PTPN14: variants seen among roughly 807,000 people sequenced by gnomAD.
PTPN14 encodes the protein tyrosine-protein phosphatase non-receptor type 14.
PTPN14 carries 53 observed loss-of-function variants against 126.8 expected under a neutral mutation model. The ratio of observed to expected loss-of-function variants is 0.42; its 90% CI spans 0.34 to 0.53. The LOEUF (loss-of-function observed/expected upper bound fraction) is 0.53, where lower values mean the gene tolerates loss of function less well. Among genes scored for constraint, PTPN14 ranks in the 20% least tolerant of loss-of-function variants. PTPN14 has a pLI of 0.08. For synonymous variants in PTPN14, 630 were observed against 599.3 expected, an observed-to-expected ratio of 1.05 and a Z score of -0.75; for missense variants, 1,257 against 1,552.9, an observed-to-expected ratio of 0.81 and a Z score of 3.20.
chr1:214,437,240 C>G (rs1387511928), intron 3 of PTPN14, among the ~76,000 whole-genome samples: 1 of 116,602 alleles, frequency 8.6e-6, no homozygotes, highest in Non-Finnish European at 1.7e-5. Flanking sequence ...ATAAATCAGA[C>G]AGTGGCAAAA....
intron 1 of PTPN14, among the ~76,000 whole-genome samples, chr1:214,512,657 T>C (rs1041318216): frequency 3.9e-5 from 6 of 152,220 alleles, no homozygotes; most frequent in Non-Finnish European, 7.3e-5. Flanking sequence ...AAAAATTTTA[T>C]GTGTTTTTCA....
At chr1:214,522,925 G>A (rs1312126379) in intron 1 of PTPN14, among the ~76,000 whole-genome samples, 3 of 152,156 alleles carry the variant, frequency 2.0e-5, no homozygotes, top group Non-Finnish European at 4.4e-5. Flanking sequence ...GAGAAAGAAG[G>A]CAGTCACTCG....
intron 1 of PTPN14, chr1:214,528,594 T>C (rs1655458845): frequency 6.6e-6 from 1 of 151,712 alleles, no homozygotes; most frequent in South Asian, 2.1e-4. Context: ...TATACTTGAG[T>C]GGTAGGGTAA....
intron 1 of PTPN14, among the ~76,000 whole-genome samples, chr1:214,472,621 A>G (rs1660783830): frequency 6.6e-6 from 1 of 152,198 alleles, no homozygotes; most frequent in Non-Finnish European, 1.5e-5. Context: ...TGACTCTTCA[A>G]ATCATTTAAG....
intron 1 of PTPN14, among the ~76,000 whole-genome samples, chr1:214,493,865 C>T (rs1251738445): frequency 1.3e-5 from 2 of 152,114 alleles, no homozygotes; most frequent in Non-Finnish European, 2.9e-5. Flanking sequence ...AAAGTAAGAA[C>T]AACTTCTGCA....
At position 214,546,252 on chromosome 1, in the gene PTPN14, A is replaced by T. The variant is rs573132498; in HGVS notation, c.-155+4931T>A. On this transcript the variant is annotated intron_variant, in intron 1 of 18. Transcript: ENST00000366956. ...GCTGAATCCAGAAACCGAGGTAGGCATGGGGAACGGCAACCTTTGTTTAAG... is the reference window on the plus strand; with the variant it reads ...GCTGAATCCAGAAACCGAGGTAGGCTTGGGGAACGGCAACCTTTGTTTAAG... Among the ~76,000 whole-genome samples the T allele has an allele frequency of 2.7e-4, 41 of 152,322 alleles. No homozygotes were observed. The South Asian group carries it at 7.9e-3, about 29-fold the overall frequency.
chr1:214,526,516 C>A (rs1204944582), intron 1 of PTPN14, among the ~76,000 whole-genome samples: 1 of 147,810 alleles, frequency 6.8e-6, no homozygotes, highest in Non-Finnish European at 1.5e-5. Flanking sequence ...GACTCAAGGT[C>A]CCCAGATGGT....
At chr1:214,539,987 T>A (rs1045566119) in intron 1 of PTPN14, among the ~76,000 whole-genome samples, 8 of 152,174 alleles carry the variant, frequency 5.3e-5, no homozygotes, top group Admixed American at 5.2e-4. Flanking sequence ...TTAAGACTGG[T>A]AGATGTCATT....
chr1:214,536,194 G>A (rs1386436014), intron 1 of PTPN14, among the ~76,000 whole-genome samples: 1 of 151,658 alleles, frequency 6.6e-6, no homozygotes, highest in East Asian at 2.0e-4. Flanking sequence ...GATAACTTGG[G>A]GCCAGGAGTT....
At chr1:214,514,337 G>A (rs371874009) in intron 1 of PTPN14, among the ~76,000 whole-genome samples, 9 of 152,108 alleles carry the variant, frequency 5.9e-5, no homozygotes, top group East Asian at 5.8e-4. Context: ...AAGACATGCC[G>A]CATGTATGGG....
At chr1:214,535,081 G>A (rs1012089415) in intron 1 of PTPN14, among the ~76,000 whole-genome samples, 10 of 152,002 alleles carry the variant, frequency 6.6e-5, no homozygotes, top group Non-Finnish European at 1.0e-4. Flanking sequence ...AAAATAGGTA[G>A]ACACAAAAGA....
chr1:214,497,403 T>G (rs73077935), intron 1 of PTPN14, among the ~76,000 whole-genome samples: 13,638 of 152,232 alleles, frequency 0.09, 2,068 homozygotes, highest in African/African-American at 0.31. Flanking sequence ...CTGATGAGGA[T>G]AGTGAGGCTA....
Position 214,357,906 on chromosome 1 carries a change from A to C in PTPN14, c.*16T>G, listed in dbSNP as rs1456708200. 1 of 1,609,528 alleles carries C rather than the reference A, an allele frequency of 6.2e-7. No homozygotes were observed. The highest frequency in any genetic ancestry group is 2.2e-5 in the East Asian group (1 of 44,828). On this transcript the variant is annotated 3_prime_UTR_variant, in exon 19 of 19. Coordinates refer to ENST00000366956, the MANE Select transcript of PTPN14 (RefSeq NM_005401.5). ...GATGGAGCTGGGTCCCTCCTCCAGG[A>C]GCTGGATTGGGGTGATTAAATGAGT...
At chr1:214,397,735 C>G (rs573557344) in intron 8 of PTPN14, among the ~76,000 whole-genome samples, 178 bp downstream of exon 8, 1 of 152,120 alleles carries the variant, frequency 6.6e-6, no homozygotes, top group African/African-American at 2.4e-5. Flanking sequence ...TGGGTTTCTA[C>G]GAAAAGTGAG....
At chr1:214,380,561 G>A (rs1658448832) in intron 13 of PTPN14, among the ~76,000 whole-genome samples, 2 of 152,188 alleles carry the variant, frequency 1.3e-5, no homozygotes, top group South Asian at 4.1e-4. Context: ...AAAAGCGGCG[G>A]AACCATCCAT....
At chr1:214,490,753 C>CT (rs1297771561) in intron 1 of PTPN14, among the ~76,000 whole-genome samples, 1 of 149,560 alleles carries the variant, frequency 6.7e-6, no homozygotes, top group Non-Finnish European at 1.5e-5. Context: ...AGAAGAATCA[C>CT]TTGAACCCGG....
intron 1 of PTPN14, among the ~76,000 whole-genome samples, chr1:214,541,092 T>C (rs868634802): frequency 3.0e-4 from 46 of 151,944 alleles, no homozygotes; most frequent in Non-Finnish European, 5.7e-4. Flanking sequence ...TACAGTATTA[T>C]AGGAAGGCAG....
rs539137015 is a variant in PTPN14, at chr1:214,362,056, G to A, written c.3435+2456C>T. 2.3e-3 allele frequency among the ~76,000 whole-genome samples: 280 copies of A among 119,360 alleles called. 1 individual carries two copies. Among genetic ancestry groups the A allele is most frequent in the African/African-American group, 9.7e-3 (271 of 28,064 alleles). The allele number at this position is 119,360 out of a possible 152,430, so 78.3% of individuals were successfully genotyped here. A position where few individuals can be genotyped will look rare whatever the true frequency, so the allele number is the denominator to read the frequency against. On this transcript the variant is annotated intron_variant, in intron 18 of 18. Transcript: ENST00000366956. ...CAGAAGCTGTGGAAAGAAGGCAGGG[G>A]AGTTTGGACAGGAGAAAAATGGTCC...
chr1:214,534,743 A>AAATAAATAAATAAATAAATAAATAAAT (rs1487444233), intron 1 of PTPN14, among the ~76,000 whole-genome samples: 4 of 31,148 alleles, frequency 1.3e-4, no homozygotes, highest in South Asian at 1.2e-3. Context: ...AATAAATAAA[A>AAATAAATAAATAAATAAATAAATAAAT]GACGGAATTA....
Sources: gnomAD v4.1 joint callset for allele counts (sites outside exome capture counted in the v4.1 genomes callset) on GRCh38, gnomAD v4.1.1 for gene constraint, MANE v1.5 for transcripts, NCBI Gene and HGNC (gene_info 2026-07-23, HGNC 2026-07-21) for gene names.